MYH11: variants seen among roughly 807,000 people sequenced by gnomAD.
The protein encoded by MYH11 is myosin heavy chain 11, also known as myosin-11.
In MYH11, 80 loss-of-function variants were observed where a neutral mutation model predicts 246.6. That is an observed-to-expected ratio of 0.32 (90% confidence interval 0.27 to 0.39). The LOEUF is 0.39. Among genes scored for constraint, MYH11 ranks in the 10% least tolerant of loss-of-function variants. MYH11 has a pLI of 1.00. For synonymous variants in MYH11, 1,071 were observed against 1,015.5 expected (o/e 1.05, Z -1.04); for missense variants, 2,158 against 2,546.8 (o/e 0.85, Z 3.29).
chr16:15,749,756 A>G, intron 16 of MYH11: 1 of 338,838 alleles, frequency 3.0e-6, no homozygotes, highest in South Asian at 3.8e-5. Context: ...TAGCATGTCC[A>G]TATAGAGGAC....
intron 3 of MYH11, among the ~76,000 whole-genome samples, chr16:15,805,951 C>T (rs143254743): frequency 1.1e-3 from 160 of 152,064 alleles, no homozygotes; most frequent in African/African-American, 1.8e-3. Flanking sequence ...CATGATACAA[C>T]GTGGATGAAC....
intron 25 of MYH11, among the ~76,000 whole-genome samples, chr16:15,736,352 C>T (rs1318744212): frequency 6.6e-6 from 1 of 152,102 alleles, no homozygotes. Flanking sequence ...GATCATAGCT[C>T]ACTTTAGCCT....
intron 7 of MYH11, among the ~76,000 whole-genome samples, 173 bp from the exon 8 acceptor site, chr16:15,776,349 T>C (rs986205444): frequency 1.3e-5 from 2 of 151,934 alleles, no homozygotes; most frequent in African/African-American, 4.8e-5. Flanking sequence ...CGCTGGGTGC[T>C]GCCAGCAGAC....
chr16:15,767,158 TGATG>T (rs1466490820), intron 9 of MYH11, among the ~76,000 whole-genome samples: 1 of 150,998 alleles, frequency 6.6e-6, no homozygotes, highest in Non-Finnish European at 1.5e-5. Context: ...GACGGATGGG[TGATG>T]GATGGATGGG....
intron 25 of MYH11, among the ~76,000 whole-genome samples, chr16:15,735,799 T>C (rs1172895832): frequency 6.6e-6 from 1 of 152,218 alleles, no homozygotes; most frequent in Non-Finnish European, 1.5e-5. Context: ...TACATGTGCA[T>C]GGGTGTGTGT....
At chr16:15,786,341 C>CA (rs2042468126) in intron 5 of MYH11, 2 of 540,274 alleles carry the variant, frequency 3.7e-6, no homozygotes, top group Non-Finnish European at 6.9e-6. Context: ...TCAGTGCCAC[C>CA]ACTGAGAAGC....
At chr16:15,763,760 C>CCCCCAAACA in intron 10 of MYH11, 36 bp downstream of exon 10, 1 of 1,192,086 alleles carries the variant, frequency 8.4e-7, no homozygotes, top group Non-Finnish European at 1.3e-6. Flanking sequence ...CCCCCAACCC[C>CCCCCAAACA]AAAGTCATTG....
chr16:15,745,084 C>T, intron 20 of MYH11, 45 bp downstream of exon 20: 1 of 1,485,516 alleles, frequency 6.7e-7, no homozygotes, highest in Non-Finnish European at 9.4e-7. Flanking sequence ...AGTGAAGAAG[C>T]AGGGCTGGGG....
intron 27 of MYH11, among the ~76,000 whole-genome samples, chr16:15,729,168 A>G (rs2040886080): frequency 1.3e-5 from 2 of 152,054 alleles, no homozygotes; most frequent in Admixed American, 6.6e-5. Context: ...CCTAGGGGAC[A>G]TGGGCTCCCA....
intron 27 of MYH11, among the ~76,000 whole-genome samples, chr16:15,727,802 C>T (rs1477581456): frequency 6.6e-6 from 1 of 151,762 alleles, no homozygotes; most frequent in Non-Finnish European, 1.5e-5. Flanking sequence ...GTGAGACCCC[C>T]ATCTCTACTA....
At chr16:15,799,337 G>A (rs1273837167) in intron 3 of MYH11, among the ~76,000 whole-genome samples, 1 of 152,126 alleles carries the variant, frequency 6.6e-6, no homozygotes, top group Non-Finnish European at 1.5e-5. Context: ...CAAGGACAGG[G>A]AAGCACAGCA....
intron 8 of MYH11, among the ~76,000 whole-genome samples, chr16:15,774,574 A>T (rs1217896209): frequency 2.0e-5 from 3 of 152,202 alleles, no homozygotes; most frequent in African/African-American, 7.2e-5. Context: ...TGTTCCTGAA[A>T]GCCAGCCATT....
chr16:15,778,086 C>A (rs1203942484), intron 7 of MYH11, among the ~76,000 whole-genome samples: 3 of 152,150 alleles, frequency 2.0e-5, no homozygotes, highest in Non-Finnish European at 4.4e-5. Context: ...CCTAGGGCCG[C>A]CTGCAAAGCT....
chr16:15,722,003 GCCCACCA>G (rs1356665357), intron 31 of MYH11, among the ~76,000 whole-genome samples: 1 of 152,024 alleles, frequency 6.6e-6, no homozygotes, highest in Non-Finnish European at 1.5e-5. Context: ...GATTACAGGT[GCCCACCA>G]CCACACCTGG....
In MYH11 at chr16:15,741,831, G is replaced by T; in HGVS notation, c.2581C>A (p.Leu861Met). 6.2e-7 allele frequency: 1 copy of T among 1,614,236 alleles called. No homozygotes were observed. Among genetic ancestry groups the T allele is most frequent in the Non-Finnish European group, 8.5e-7 (1 of 1,180,050 alleles). ...EEEMQAKEDE[L>M]QKTKERQQKA... ...TGCTGCCGCTCCTTGGTCTTCTGCAGTTCATCCTCCTTGGCCTGCATCTCC... is the reference window on the plus strand; with the variant it reads ...TGCTGCCGCTCCTTGGTCTTCTGCATTTCATCCTCCTTGGCCTGCATCTCC... Residue 861 changes from leucine to methionine, a missense_variant, in exon 21 of 41, where the codon CTG becomes ATG. Leu to Met is a conservative substitution (Grantham distance 15, BLOSUM62 2). Transcript: ENST00000300036.
chr16:15,722,214 G>A (rs1309811757), intron 31 of MYH11, among the ~76,000 whole-genome samples: 1 of 152,116 alleles, frequency 6.6e-6, no homozygotes, highest in Non-Finnish European at 1.5e-5. Context: ...AGCACACTGA[G>A]GTCAAAGTGA....
chr16:15,753,564 A>C, intron 14 of MYH11, 56 bp from the exon 15 acceptor site: 1 of 1,387,798 alleles, frequency 7.2e-7, no homozygotes. Flanking sequence ...CTTAGAAACC[A>C]AGGCCAGGAC....
rs538955766 is a variant in MYH11 at position 15,800,529 on chromosome 16, G to C, written c.503-1842C>G. On this transcript the variant is annotated intron_variant, in intron 3 of 40. Coordinates refer to ENST00000300036, the MANE Select transcript of MYH11 (RefSeq NM_002474.3). ...TTGGACGGAGGAGGGAAGGATGAGT[G>C]AGTGGATGAGAGAGTGGATGGGTGG... is the stretch of plus-strand genomic sequence containing the variant. 2.0e-5 allele frequency among the ~76,000 whole-genome samples: 3 copies of C among 151,146 alleles called. No homozygotes were observed. The South Asian group carries it at 6.3e-4, about 32-fold the overall frequency.
chr16:15,821,759 A>C (rs1016487035), intron 3 of MYH11, among the ~76,000 whole-genome samples: 1 of 143,510 alleles, frequency 7.0e-6, no homozygotes, highest in Non-Finnish European at 1.5e-5. Flanking sequence ...TCTACTAAAA[A>C]TACAAAAAAT....
Sources: allele counts gnomAD v4.1 joint callset (sites outside exome capture counted in the v4.1 genomes callset), GRCh38; gene constraint gnomAD v4.1.1; transcripts MANE v1.5; gene names NCBI Gene and HGNC (gene_info 2026-07-23, HGNC 2026-07-21).